OLA1: variants seen among roughly 807,000 people sequenced by gnomAD.
OLA1 encodes obg-like ATPase 1.
A neutral mutation model predicts 48.4 loss-of-function variants in OLA1; 14 were observed. The observed-to-expected ratio is 0.29, with a 90% CI of 0.19 to 0.45. The LOEUF (loss-of-function observed/expected upper bound fraction) is 0.45. OLA1 is among the 20% of genes least tolerant of loss of function. The pLI, the probability that OLA1 is intolerant of heterozygous loss-of-function variation, is 1.00. For missense variants in OLA1, 325 were observed against 467.1 expected, an observed-to-expected ratio of 0.70 and a Z score of 2.80; for synonymous variants, 127 against 150.4, an observed-to-expected ratio of 0.84 and a Z score of 1.14.
At chr2:174,131,331 G>C (rs148298777) in intron 5 of OLA1, among the ~76,000 whole-genome samples, 71 of 152,152 alleles carry the variant, frequency 4.7e-4, no homozygotes, top group African/African-American at 1.6e-3. Flanking sequence ...TTCACTGTAG[G>C]AATAGTGCAC....
At chr2:174,141,720 TA>T in intron 5 of OLA1, 104 bp downstream of exon 5, 2 of 928,338 alleles carry the variant, frequency 2.2e-6, no homozygotes, top group Non-Finnish European at 3.2e-6. Context: ...CCTTGGCTTC[TA>T]AAATTCCATA....
At chr2:174,165,885 G>T (rs1166443392) in intron 4 of OLA1, among the ~76,000 whole-genome samples, 1 of 152,142 alleles carries the variant, frequency 6.6e-6, no homozygotes, top group Non-Finnish European at 1.5e-5. Context: ...ACTCTGAGAG[G>T]CTGAGGCAGG....
chr2:174,102,006 T>C (rs559593192), intron 7 of OLA1, among the ~76,000 whole-genome samples: 7 of 152,276 alleles, frequency 4.6e-5, no homozygotes, highest in African/African-American at 1.4e-4. Context: ...ATCTTACATT[T>C]AGTACGATAA....
intron 4 of OLA1, among the ~76,000 whole-genome samples, chr2:174,213,272 T>C (rs1432549800): frequency 1.3e-5 from 2 of 152,228 alleles, no homozygotes; most frequent in African/African-American, 4.8e-5. Context: ...GCAACACTCT[T>C]GCTTCTAGTC....
At chr2:174,179,781 T>C (rs1356780658) in intron 4 of OLA1, among the ~76,000 whole-genome samples, 1 of 152,100 alleles carries the variant, frequency 6.6e-6, no homozygotes, top group Non-Finnish European at 1.5e-5. Context: ...ACTTAATAAA[T>C]GTTTGCTATC....
rs561726322 is a variant in OLA1, at chr2:174,144,226, T to C, written c.374-2226A>G. ...GGAGTTATGACTGTATCATCACTAATCTATTCCCCCTACTATAAGAAAAAA... is the reference window on the plus strand; with the variant it reads ...GGAGTTATGACTGTATCATCACTAACCTATTCCCCCTACTATAAGAAAAAA... On this transcript the variant is annotated intron_variant, in intron 4 of 10. Transcript: ENST00000284719. 3.3e-5 allele frequency among the ~76,000 whole-genome samples: 5 copies of C among 152,290 alleles called. No homozygotes were observed. The East Asian group carries it at 9.6e-4, about 29-fold the overall frequency.
chr2:174,129,298 A>T (rs2105371669), intron 5 of OLA1, among the ~76,000 whole-genome samples: 1 of 152,078 alleles, frequency 6.6e-6, no homozygotes, highest in African/African-American at 2.4e-5. Context: ...CTCTACTAAA[A>T]ATACAAAAAA....
intron 2 of OLA1, among the ~76,000 whole-genome samples, chr2:174,244,626 A>C (rs1004403260): frequency 5.3e-5 from 8 of 151,904 alleles, no homozygotes; most frequent in African/African-American, 1.9e-4. Context: ...TAATTAAAAA[A>C]AAATTTTTTT....
At chr2:174,085,152 G>A (rs1389195917) in intron 7 of OLA1, among the ~76,000 whole-genome samples, 5 of 152,216 alleles carry the variant, frequency 3.3e-5, no homozygotes, top group Non-Finnish European at 1.5e-5. Flanking sequence ...TGATTCCACA[G>A]CAAGGGGACA....
intron 5 of OLA1, among the ~76,000 whole-genome samples, chr2:174,133,952 C>A (rs569110584): frequency 2.0e-5 from 3 of 152,308 alleles, no homozygotes; most frequent in Admixed American, 2.0e-4. Flanking sequence ...TCCCCCTAGT[C>A]TCTGACAACC....
At chr2:174,082,740 A>G (rs896339321) in intron 7 of OLA1, among the ~76,000 whole-genome samples, 6 of 152,208 alleles carry the variant, frequency 3.9e-5, no homozygotes, top group African/African-American at 1.4e-4. Flanking sequence ...GGATTTGGAA[A>G]GCCAAATCAG....
In OLA1 at chr2:174,075,254, G is replaced by C. The variant is rs1289824575; in HGVS notation, c.*172C>G. 5 of 160,660 alleles carry C rather than the reference G, an allele frequency of 3.1e-5. No individual in the cohort carries two copies. Among genetic ancestry groups the C allele is most frequent in the Admixed American group, 2.0e-4 (2 of 9,810 alleles). 10.0% of individuals were successfully genotyped at this position (160,660 alleles called of 1,614,324 possible). A position where few individuals can be genotyped will look rare whatever the true frequency, so the allele number is the denominator to read the frequency against. ...CACATTTAGTGAACCTGCATTTCAT[G>C]GGGGGGGGGGGGTACACAGTATTTT... is the stretch of plus-strand genomic sequence containing the variant. On this transcript the variant is annotated 3_prime_UTR_variant, in exon 11 of 11. Transcript: ENST00000284719.
chr2:174,166,466 A>G (rs1687167948), intron 4 of OLA1, among the ~76,000 whole-genome samples: 2 of 152,208 alleles, frequency 1.3e-5, no homozygotes, highest in Non-Finnish European at 2.9e-5. Flanking sequence ...CTTGGGAAAC[A>G]TGATCTGAAC....
In OLA1 at chr2:174,090,371, T is replaced by G. The variant is rs1380574855; in HGVS notation, c.729-8307A>C. On this transcript the variant is annotated intron_variant, in intron 7 of 10. Transcript: ENST00000284719. ...GAATGTTTAGCAAAAAGGCTCCACT[T>G]AAAAAAAGTTCTTTACAATGAATGA... Among the ~76,000 whole-genome samples, 6 of 152,082 alleles carry G rather than the reference T, an allele frequency of 3.9e-5. 1 individual carries two copies. The highest frequency in any genetic ancestry group is 1.4e-4 in the African/African-American group (6 of 41,410).
intron 4 of OLA1, among the ~76,000 whole-genome samples, chr2:174,193,111 T>A (rs981649746): frequency 1.4e-5 from 2 of 145,948 alleles, no homozygotes; most frequent in African/African-American, 5.1e-5. Flanking sequence ...TTTTTTGAGA[T>A]GGGGGTCTCG....
At chr2:174,176,582 C>A (rs1207787139) in intron 4 of OLA1, among the ~76,000 whole-genome samples, 1 of 152,106 alleles carries the variant, frequency 6.6e-6, no homozygotes, top group African/African-American at 2.4e-5. Context: ...GACTCATTCT[C>A]AATGACCAGG....
chr2:174,238,672 G>A (rs2105463700), intron 2 of OLA1, among the ~76,000 whole-genome samples: 1 of 152,186 alleles, frequency 6.6e-6, no homozygotes, highest in East Asian at 1.9e-4. Context: ...GTCCTCAATA[G>A]TTAAATATAC....
intron 4 of OLA1, among the ~76,000 whole-genome samples, chr2:174,150,416 T>G (rs1483783990): frequency 6.6e-6 from 1 of 152,216 alleles, no homozygotes; most frequent in African/African-American, 2.4e-5. Flanking sequence ...AGAAATAAGT[T>G]TCTTTTCTTT....
chr2:174,223,254 C>T, intron 3 of OLA1, 94 bp from the exon 4 acceptor site: 1 of 1,223,974 alleles, frequency 8.2e-7, no homozygotes, highest in Non-Finnish European at 1.2e-6. Flanking sequence ...AAATTCTTTC[C>T]TTTCTAGAAC....
Sources: allele counts gnomAD v4.1 joint callset (sites outside exome capture counted in the v4.1 genomes callset), GRCh38; gene constraint gnomAD v4.1.1; transcripts MANE v1.5; gene names NCBI Gene and HGNC (gene_info 2026-07-23, HGNC 2026-07-21).